Variants in BRI3BP observed in about 807,000 individuals in gnomAD.
BRI3BP encodes the protein BRI3-binding protein.
BRI3BP carries 7 observed loss-of-function variants against 15.8 expected under a neutral mutation model. That is an observed-to-expected ratio of 0.44 (90% CI 0.25 to 0.83). The LOEUF (loss-of-function observed/expected upper bound fraction) is 0.83, where lower values mean the gene tolerates loss of function less well. Among genes scored for constraint, BRI3BP ranks in the 40% least tolerant of loss-of-function variants. The pLI is 0.20. For synonymous variants in BRI3BP, 192 were observed against 163.5 expected, an observed-to-expected ratio of 1.17 and a Z score of -1.33; for missense variants, 320 against 339.3, an observed-to-expected ratio of 0.94 and a Z score of 0.45.
rs1332172176 is a variant in BRI3BP at position 125,029,179 on chromosome 12, C to G, written c.*3749C>G. The G allele has an allele frequency of 6.6e-6, 1 of 151,954 alleles. No individual in the cohort carries two copies. The highest frequency in any genetic ancestry group is 1.9e-4 in the East Asian group (1 of 5,192). 9.4% of individuals were successfully genotyped at this position (151,954 alleles called of 1,614,324 possible). The stretch of plus-strand genomic sequence containing the variant: ...TGGTTTAGTGATCTCTTCCTTGACA[C>G]CCTAGCAAAGATGCTTTTGTGGAGT... On this transcript the variant is annotated 3_prime_UTR_variant, in exon 3 of 3. Transcript: ENST00000341446.
chr12:125,002,444 G>T (rs963302559), intron 1 of BRI3BP, among the ~76,000 whole-genome samples: 20 of 142,552 alleles, frequency 1.4e-4, no homozygotes, highest in East Asian at 4.1e-4. Flanking sequence ...TCCAGAACTG[G>T]TTTTTTTTTT....
chr12:125,033,049 G>A (rs116399827), downstream of BRI3BP, among the ~76,000 whole-genome samples: 74 of 152,248 alleles, frequency 4.9e-4, no homozygotes, highest in African/African-American at 1.7e-3. Context: ...AGCAGCTGGC[G>A]GCATTGCTAC....
the BRI3BP span, among the ~76,000 whole-genome samples, chr12:125,050,090 C>A: frequency 6.6e-6 from 1 of 152,292 alleles, no homozygotes; most frequent in East Asian, 1.9e-4. Context: ...CGGTGGCTCA[C>A]GCCTGTAATC....
At chr12:125,012,296 T>C (rs571156434) in intron 1 of BRI3BP, among the ~76,000 whole-genome samples, 4 of 152,272 alleles carry the variant, frequency 2.6e-5, no homozygotes, top group East Asian at 1.9e-4. Flanking sequence ...CCAGCCTCCA[T>C]AGGTGCCTTG....
At chr12:125,048,435 G>A in the BRI3BP span, among the ~76,000 whole-genome samples, 6 of 152,214 alleles carry the variant, frequency 3.9e-5, no homozygotes, top group South Asian at 1.2e-3. Context: ...TTTATGTTTA[G>A]GAGGGGTAAT....
the BRI3BP span, among the ~76,000 whole-genome samples, chr12:125,043,322 G>A: frequency 1.3e-5 from 2 of 152,048 alleles, no homozygotes; most frequent in South Asian, 2.1e-4. Context: ...GCTGCTCAAC[G>A]TCTACCCCAG....
At chr12:125,050,436 G>A in the BRI3BP span, among the ~76,000 whole-genome samples, 17 of 151,880 alleles carry the variant, frequency 1.1e-4, no homozygotes, top group East Asian at 1.4e-3. Flanking sequence ...ACAAATAAAG[G>A]CTAATAAAAA....
chr12:125,001,920 A>G (rs1176998159), intron 1 of BRI3BP, among the ~76,000 whole-genome samples: 1 of 152,134 alleles, frequency 6.6e-6, no homozygotes, highest in Admixed American at 6.6e-5. Flanking sequence ...CCCAGCCTTA[A>G]GCAACTGCCA....
chr12:125,040,542 C>A, the BRI3BP span, among the ~76,000 whole-genome samples: 1 of 149,744 alleles, frequency 6.7e-6, no homozygotes, highest in African/African-American at 2.5e-5. Flanking sequence ...CCGGTTTCTC[C>A]ATGTTGGTCA....
At chr12:125,022,589 G>A (rs1256243208) in intron 2 of BRI3BP, among the ~76,000 whole-genome samples, 4 of 146,634 alleles carry the variant, frequency 2.7e-5, no homozygotes, top group Non-Finnish European at 4.4e-5. Flanking sequence ...GTGCAGTGGC[G>A]CCATTGGCTC....
At chr12:125,003,966 C>T (rs1594529003) in intron 1 of BRI3BP, among the ~76,000 whole-genome samples, 1 of 51,040 alleles carries the variant, frequency 2.0e-5, no homozygotes, top group South Asian at 5.3e-4. Flanking sequence ...AACACACACA[C>T]ACACACACAC....
chr12:125,006,099 G>T (rs1266861129), intron 1 of BRI3BP, among the ~76,000 whole-genome samples: 1 of 152,020 alleles, frequency 6.6e-6, no homozygotes, highest in Non-Finnish European at 1.5e-5. Context: ...AGTCGCATCG[G>T]ATTAGGGCCC....
intron 2 of BRI3BP, among the ~76,000 whole-genome samples, chr12:125,012,846 G>A (rs1209800685): frequency 6.6e-6 from 1 of 152,128 alleles, no homozygotes; most frequent in East Asian, 1.9e-4. Flanking sequence ...GGGAGACCAA[G>A]GTGGGAGGGT....
intron 2 of BRI3BP, among the ~76,000 whole-genome samples, chr12:125,020,447 C>T (rs1955287115): frequency 6.6e-6 from 1 of 152,240 alleles, no homozygotes; most frequent in Non-Finnish European, 1.5e-5. Context: ...ACCTGATCAC[C>T]TCCCCAGGAC....
At chr12:125,050,078 C>T in the BRI3BP span, among the ~76,000 whole-genome samples, 1 of 152,132 alleles carries the variant, frequency 6.6e-6, no homozygotes, top group African/African-American at 2.4e-5. Context: ...ATAGGCTGGG[C>T]GCGGTGGCTC....
At chr12:125,035,875 C>A (rs1955437123), downstream of BRI3BP, among the ~76,000 whole-genome samples, 1 of 152,016 alleles carries the variant, frequency 6.6e-6, no homozygotes, top group African/African-American at 2.4e-5. Context: ...GAATTACATA[C>A]ATTAGCCAAC....
chr12:125,011,382 T>C (rs1487027515), intron 1 of BRI3BP, among the ~76,000 whole-genome samples: 1 of 152,208 alleles, frequency 6.6e-6, no homozygotes, highest in Non-Finnish European at 1.5e-5. Flanking sequence ...CTCGCTGTTT[T>C]TTCCCCTGTA....
At chr12:125,004,004 A>C (rs894012419) in intron 1 of BRI3BP, among the ~76,000 whole-genome samples, 3 of 126,970 alleles carry the variant, frequency 2.4e-5, no homozygotes, top group Non-Finnish European at 1.7e-5. Context: ...CACACACACA[A>C]CACACAATAC....
chr12:124,997,431 G>A (rs1955051273), intron 1 of BRI3BP, among the ~76,000 whole-genome samples: 2 of 150,912 alleles, frequency 1.3e-5, no homozygotes, highest in Non-Finnish European at 3.0e-5. Flanking sequence ...GGCCAGGCTG[G>A]TCTCGATCTC....
Sources: gnomAD v4.1 joint callset for allele counts (sites outside exome capture counted in the v4.1 genomes callset) on GRCh38, gnomAD v4.1.1 for gene constraint, MANE v1.5 for transcripts, NCBI Gene and HGNC (gene_info 2026-07-23, HGNC 2026-07-21) for gene names.